The following ASS1 variants were observed in gnomAD, a reference collection of about 807,000 sequenced individuals.
The protein encoded by ASS1 is argininosuccinate synthase.
Under a neutral mutation model 60.5 loss-of-function variants are expected in ASS1, and 58 were observed. The observed-to-expected ratio is 0.96, with a 90% CI of 0.78 to 1.19. The LOEUF is 1.19. Among genes scored for constraint, ASS1 ranks in the 50% most tolerant of loss-of-function variants. The pLI is 0.00. For missense variants in ASS1, 454 were observed against 547.3 expected, an observed-to-expected ratio of 0.83 and a Z score of 1.70; for synonymous variants, 200 against 206.9, an observed-to-expected ratio of 0.97 and a Z score of 0.29.
At chr9:130,499,636 C>T (rs1329213251) in intron 14 of ASS1, 66 bp downstream of exon 14, 2 of 1,505,434 alleles carry the variant, frequency 1.3e-6, no homozygotes, top group African/African-American at 2.7e-5. Context: ...CTTTGAGAGC[C>T]CCCAGGTGTA....
intron 12 of ASS1, among the ~76,000 whole-genome samples, chr9:130,490,104 C>T (rs900853868): frequency 2.0e-4 from 30 of 152,218 alleles, no homozygotes; most frequent in Non-Finnish European, 1.8e-4. Flanking sequence ...CGGTGGGTGA[C>T]AGCACCTGAG....
intron 4 of ASS1, among the ~76,000 whole-genome samples, chr9:130,460,733 T>A (rs533207051): frequency 1.3e-5 from 2 of 152,152 alleles, no homozygotes; most frequent in South Asian, 4.2e-4. Context: ...TGAGGGCAAC[T>A]GATTAGTGGG....
At position 130,476,727 on chromosome 9, in the gene ASS1, G is replaced by A; in HGVS notation, c.598-144G>A. The stretch of plus-strand genomic sequence containing the variant: ...AAGCGAGGCTGGTGCTAGGCTGAGG[G>A]CTGGGGACCGGGGGATCTGCCGGAC... On this transcript the variant is annotated intron_variant, in intron 8 of 14. Transcript: ENST00000352480. The surrounding 1 kb of genome is among the most constrained non-coding windows in gnomAD (Gnocchi z 4.9). 6.2e-6 allele frequency: 5 copies of A among 806,788 alleles called. No homozygotes were observed. Among genetic ancestry groups the A allele is most frequent in the East Asian group, 2.5e-5 (1 of 40,244 alleles). The allele number at this position is 806,788 out of a possible 1,614,324, so 50.0% of individuals were successfully genotyped here. A position where few individuals can be genotyped will look rare whatever the true frequency, so the allele number is the denominator to read the frequency against.
chr9:130,476,471 C>T lies in ASS1; in HGVS notation c.598-400C>T, dbSNP rs189978594. 62 of 287,490 alleles carry T rather than the reference C, an allele frequency of 2.2e-4. No homozygotes were observed. The East Asian group carries it at 3.8e-3, about 17-fold the overall frequency. 17.8% of individuals were successfully genotyped at this position (287,490 alleles called of 1,614,324 possible). A position where few individuals can be genotyped will look rare whatever the true frequency, so the allele number is the denominator to read the frequency against. Reference sequence around the variant, plus strand: ...GGGTCACAGGCAGTCATTAGCTTTGCGGTCAGTGCAGAATAAACCCCAATC... The same window carrying T: ...GGGTCACAGGCAGTCATTAGCTTTGTGGTCAGTGCAGAATAAACCCCAATC... On this transcript the variant is annotated intron_variant, in intron 8 of 14. Transcript: ENST00000352480. This position sits in a 1 kb window ranked among gnomAD's most constrained non-coding sequence, Gnocchi z 4.9.
intron 4 of ASS1, among the ~76,000 whole-genome samples, chr9:130,462,671 C>T (rs953591358): frequency 6.6e-6 from 1 of 152,192 alleles, no homozygotes; most frequent in East Asian, 1.9e-4. Flanking sequence ...CGGACCATGC[C>T]TTACCATCTA....
chr9:130,469,555 C>T (rs1432249012), intron 6 of ASS1, among the ~76,000 whole-genome samples: 9 of 152,198 alleles, frequency 5.9e-5, no homozygotes, highest in Middle Eastern at 6.8e-3. Context: ...GGACTACAGG[C>T]GCCTGCCACC....
chr9:130,493,819 G>A (rs1846515017), intron 12 of ASS1, among the ~76,000 whole-genome samples: 2 of 152,218 alleles, frequency 1.3e-5, no homozygotes, highest in South Asian at 2.1e-4. Flanking sequence ...GAGAGGCCGG[G>A]GGCAGACTGG....
At chr9:130,484,982 C>T (rs1171426341) in intron 11 of ASS1, among the ~76,000 whole-genome samples, 2 of 152,164 alleles carry the variant, frequency 1.3e-5, no homozygotes, top group African/African-American at 2.4e-5. Flanking sequence ...CCGGAGGCTG[C>T]CTGGGAGGGT....
Position 130,489,020 on chromosome 9 carries a change from C to A in ASS1, c.839-313C>A, listed in dbSNP as rs1846378682. On this transcript the variant is annotated intron_variant, in intron 11 of 14. Transcript: ENST00000352480. This position sits in a 1 kb window ranked among gnomAD's most constrained non-coding sequence, Gnocchi z 4.1. ...TTAATTACAGGCTTTCAACCTCGGGCCGGTGGGCACGCATGGGGAGGGAGG... is the reference window on the plus strand; with the variant it reads ...TTAATTACAGGCTTTCAACCTCGGGACGGTGGGCACGCATGGGGAGGGAGG... Among the ~76,000 whole-genome samples, 2 of 152,292 alleles carry A rather than the reference C, an allele frequency of 1.3e-5. No homozygotes were observed. Among genetic ancestry groups the A allele is most frequent in the South Asian group, 4.2e-4 (2 of 4,818 alleles).
At chr9:130,483,619 C>T (rs1047778869) in intron 11 of ASS1, among the ~76,000 whole-genome samples, 3 of 151,936 alleles carry the variant, frequency 2.0e-5, no homozygotes, top group Non-Finnish European at 4.4e-5. Context: ...AAGGAGCCAG[C>T]GCATGTCCTT....
At chr9:130,465,056 ATTTT>A (rs796874986) in intron 5 of ASS1, among the ~76,000 whole-genome samples, 38 of 120,146 alleles carry the variant, frequency 3.2e-4, no homozygotes, top group Admixed American at 2.2e-3. Context: ...ATATATATAT[ATTTT>A]TTTTTTTTCT....
chr9:130,472,523 G>A (rs1019726151), intron 8 of ASS1, among the ~76,000 whole-genome samples: 1 of 152,136 alleles, frequency 6.6e-6, no homozygotes, highest in East Asian at 1.9e-4. Flanking sequence ...ACTGAGGCCC[G>A]GGCACCGGCT....
intron 1 of ASS1, among the ~76,000 whole-genome samples, chr9:130,448,099 C>T (rs1040405074): frequency 6.6e-5 from 10 of 151,918 alleles, no homozygotes; most frequent in Non-Finnish European, 1.2e-4. Flanking sequence ...CTGTCACTTC[C>T]TCCCCCGACA....
chr9:130,469,721 G>C (rs907128684), intron 6 of ASS1, among the ~76,000 whole-genome samples: 2 of 152,192 alleles, frequency 1.3e-5, no homozygotes, highest in African/African-American at 4.8e-5. Flanking sequence ...CCCGAAACCA[G>C]AGCATTTAGC....
chr9:130,478,207 G>T lies in ASS1; in HGVS notation c.688+1246G>T, dbSNP rs564774639. The stretch of plus-strand genomic sequence containing the variant: ...TCCCCTTCATCTGTCCCAACCTACT[G>T]GGGGGCCAAAGAGGACCCCAAAGGC... On this transcript the variant is annotated intron_variant, in intron 9 of 14. Coordinates refer to ENST00000352480, the MANE Select transcript of ASS1 (RefSeq NM_054012.4). This position sits in a 1 kb window ranked among gnomAD's most constrained non-coding sequence, Gnocchi z 4.7. 6.6e-6 allele frequency among the ~76,000 whole-genome samples: 1 copy of T among 152,306 alleles called. No homozygotes were observed. The highest frequency in any genetic ancestry group is 2.1e-4 in the South Asian group (1 of 4,830).
At chr9:130,452,393 C>A in intron 2 of ASS1, 60 bp downstream of exon 2, 1 of 1,445,680 alleles carries the variant, frequency 6.9e-7, no homozygotes, top group Non-Finnish European at 9.7e-7. Context: ...CCTGTCTGCC[C>A]CCTGCCAGCC....
intron 13 of ASS1, among the ~76,000 whole-genome samples, chr9:130,496,114 C>T (rs602924): frequency 0.8 from 121,844 of 151,856 alleles, 49,588 homozygotes; most frequent in East Asian, 0.98. Flanking sequence ...TAGGGGAAAG[C>T]GTGGAGTGAG....
In ASS1 at chr9:130,479,786, C is replaced by A. The variant is rs1588495489; in HGVS notation, c.759C>A (p.Tyr253Ter). Residue 253 changes from tyrosine (Y) to a stop codon, truncating the protein, a stop_gained, in exon 10 of 15, where the codon TAC (tyrosine) becomes TAA (stop). Transcript: ENST00000352480. LOFTEE classifies it high-confidence loss of function. ...THQTSLELFM[Y>*]LNEVAGKHGV... is the part of the protein sequence containing the mutation. ...AGACCTCCTTGGAGCTCTTCATGTA[C>A]CTGAACGAAGTCGCGTGAGTGTCTG... 6.2e-7 allele frequency: 1 copy of A among 1,614,106 alleles called. No individual in the cohort carries two copies.
intron 12 of ASS1, among the ~76,000 whole-genome samples, chr9:130,493,136 C>T (rs1846490117): frequency 1.3e-5 from 2 of 152,096 alleles, no homozygotes; most frequent in Admixed American, 1.3e-4. Flanking sequence ...GCCCCCTCCA[C>T]GAGGGTCTCG....
Sources: allele counts gnomAD v4.1 joint callset (sites outside exome capture counted in the v4.1 genomes callset), GRCh38; gene constraint gnomAD v4.1.1; non-coding constraint Gnocchi (gnomAD v3.1); transcripts MANE v1.5; gene names NCBI Gene and HGNC (gene_info 2026-07-23, HGNC 2026-07-21).